PGLYRP1: variants seen among roughly 807,000 people sequenced by gnomAD.
The protein encoded by PGLYRP1 is TNF superfamily, member 3 (LTB)-like (peptidoglycan recognition protein).
A neutral mutation model predicts 16.3 loss-of-function variants in PGLYRP1; 18 were observed. The ratio of observed to expected loss-of-function variants is 1.11; its 90% CI spans 0.77 to 1.64. The LOEUF is 1.64. PGLYRP1 is among the 40% of genes most tolerant of loss of function. PGLYRP1 has a pLI of 0.00. For missense variants in PGLYRP1, 261 were observed against 268.6 expected (o/e 0.97, Z 0.20); for synonymous variants, 89 against 105.7 (o/e 0.84, Z 0.97).
chr19:46,022,806 C>G lies in PGLYRP1; in HGVS notation c.216G>C (p.Ser72=). Reference sequence around the variant, plus strand: ...GCACATTCCGGGCCTGCTGCTGGCACGAGGCGGGGGTGTTGCAGCTGCTGC... The same window carrying G: ...GCACATTCCGGGCCTGCTGCTGGCAGGAGGCGGGGGTGTTGCAGCTGCTGC... ...TAGSSCNTPA[S]CQQQARNVQH... Residue 72 remains serine, a synonymous_variant, in exon 1 of 3, where the codon TCG becomes TCC. Transcript: ENST00000008938. 1 of 1,614,102 alleles carries G rather than the reference C, an allele frequency of 6.2e-7. No individual in the cohort carries two copies. The highest frequency in any genetic ancestry group is 8.5e-7 in the Non-Finnish European group (1 of 1,179,996).
chr19:46,019,592 C>G lies in PGLYRP1; in HGVS notation c.343G>C (p.Gly115Arg), dbSNP rs1177650398. 1 of 1,613,982 alleles carries G rather than the reference C, an allele frequency of 6.2e-7. No homozygotes were observed. The highest frequency in any genetic ancestry group is 8.5e-7 in the Non-Finnish European group (1 of 1,179,964). The change falls in exon 2 of 3, where the codon GGT (glycine) becomes CGT (arginine). Residue 115 changes from glycine (G) to arginine (R), a missense_variant. Gly to Arg is a moderately radical substitution (Grantham distance 125). Coordinates refer to ENST00000008938, the MANE Select transcript of PGLYRP1 (RefSeq NM_005091.3). The surrounding 1 kb of genome is among the most constrained non-coding windows in gnomAD (Gnocchi z 4.8). ...TTCCATAAGTGACCTGAGTGGGCAC[C>G]CGTGAAGTTCCAGCCACGGCCCTCG... ...VYEGRGWNFT[G>R]AHSGHLWNPM...
chr19:46,021,864 A>AC (rs986897081), intron 1 of PGLYRP1, among the ~76,000 whole-genome samples: 3 of 150,668 alleles, frequency 2.0e-5, no homozygotes, highest in African/African-American at 7.3e-5. Flanking sequence ...CGCCCACTCA[A>AC]CCCCGTTGGC....
At chr19:46,022,273 G>A (rs760954529) in intron 1 of PGLYRP1, among the ~76,000 whole-genome samples, 5 of 152,206 alleles carry the variant, frequency 3.3e-5, no homozygotes, top group Non-Finnish European at 5.9e-5. Flanking sequence ...GATGGGCCGC[G>A]ATTCCATTGA....
At chr19:46,021,705 C>G (rs558377782) in intron 1 of PGLYRP1, among the ~76,000 whole-genome samples, 1 of 152,334 alleles carries the variant, frequency 6.6e-6, no homozygotes, top group African/African-American at 2.4e-5. Context: ...GGTCCCTGCT[C>G]TGCGGGGGGA....
chr19:46,022,582 A>C (rs1014997215), intron 1 of PGLYRP1, among the ~76,000 whole-genome samples, 153 bp downstream of exon 1: 3 of 152,200 alleles, frequency 2.0e-5, no homozygotes, highest in Non-Finnish European at 4.4e-5. Context: ...TGGTGACCCG[A>C]GGAAGAAATG....
intron 1 of PGLYRP1, among the ~76,000 whole-genome samples, chr19:46,022,314 G>T (rs116506706): frequency 0.019 from 2,942 of 152,334 alleles, 99 homozygotes; most frequent in African/African-American, 0.066. Context: ...AAGCCGGGAG[G>T]ACCCGCCCCA....
rs914808321 is a variant in PGLYRP1, at chr19:46,019,880, C to T, written c.288-233G>A. Among the ~76,000 whole-genome samples, 1 of 152,208 alleles carries T rather than the reference C, an allele frequency of 6.6e-6. No individual in the cohort carries two copies. Among genetic ancestry groups the T allele is most frequent in the African/African-American group, 2.4e-5 (1 of 41,448 alleles). On this transcript the variant is annotated intron_variant, in intron 1 of 2. Transcript: ENST00000008938. The surrounding 1 kb of genome is among the most constrained non-coding windows in gnomAD (Gnocchi z 4.8). The stretch of plus-strand genomic sequence containing the variant: ...ACACCTTTTTCCATCCTCACAGCAA[C>T]CCTGTGAGTCACTATCACCCCCGTT...
At position 46,022,831 on chromosome 19, in the gene PGLYRP1, C is replaced by T; in HGVS notation, c.191G>A (p.Gly64Asp). The T allele has an allele frequency of 6.2e-7, 1 of 1,613,640 alleles. No homozygotes were observed. The highest frequency in any genetic ancestry group is 1.1e-5 in the South Asian group (1 of 91,000). ...CGAGGCGGGGGTGTTGCAGCTGCTG[C>T]CCGCCGTGTGCGATACCACCACATA... ...LRYVVVSHTA[G>D]SSCNTPASCQ... The change falls in exon 1 of 3, where the codon GGC becomes GAC. Residue 64 changes from glycine (G) to aspartate (D), a missense_variant. Physicochemically the swap from Gly to Asp is moderately conservative, Grantham distance 94. Transcript: ENST00000008938.
chr19:46,020,072 G>T (rs569430991), intron 1 of PGLYRP1, among the ~76,000 whole-genome samples: 1 of 150,272 alleles, frequency 6.7e-6, no homozygotes, highest in East Asian at 2.0e-4. Context: ...CTGTTTTACT[G>T]AATCCTTGCA....
intron 1 of PGLYRP1, among the ~76,000 whole-genome samples, chr19:46,022,251 A>G (rs1969052067): frequency 6.6e-6 from 1 of 152,200 alleles, no homozygotes; most frequent in Admixed American, 6.5e-5. Flanking sequence ...GTATTGGCTC[A>G]TATAAGGAGC....
chr19:46,022,927 G>A lies in PGLYRP1; in HGVS notation c.95C>T (p.Pro32Leu), dbSNP rs749540886. Residue 32 changes from proline (P) to leucine (L), a missense_variant, in exon 1 of 3, where the codon CCC becomes CTC. By Grantham distance (98) the Pro-to-Leu change is moderately conservative. Coordinates refer to ENST00000008938, the MANE Select transcript of PGLYRP1 (RefSeq NM_005091.3). ...QETEDPACCS[P>L]IVPRNEWKAL... ...CTTCCACTCGTTCCGGGGCACTATG[G>A]GGCTGCAGCAGGCCGGGTCTTCTGT... 6.2e-7 allele frequency: 1 copy of A among 1,611,082 alleles called. No individual in the cohort carries two copies. The highest frequency in any genetic ancestry group is 8.5e-7 in the Non-Finnish European group (1 of 1,178,744).
Position 46,019,458 on chromosome 19 carries a change from C to T in PGLYRP1, c.410-39G>A. The T allele has an allele frequency of 6.2e-7, 1 of 1,612,100 alleles. No individual in the cohort carries two copies. The highest frequency in any genetic ancestry group is 8.5e-7 in the Non-Finnish European group (1 of 1,178,896). ...AGGTAGGAGTCAGGCAGGGGCTTCCCCGAAGGGGAAGTGATAGCGTAGGGC... is the reference window on the plus strand; with the variant it reads ...AGGTAGGAGTCAGGCAGGGGCTTCCTCGAAGGGGAAGTGATAGCGTAGGGC... On this transcript the variant is annotated intron_variant, in intron 2 of 2. Transcript: ENST00000008938. The surrounding 1 kb of genome is among the most constrained non-coding windows in gnomAD (Gnocchi z 4.8).
rs1568700884 is a variant in PGLYRP1 at position 46,019,629 on chromosome 19, GTCTTCTCCAA to G, written c.296_305del (p.Ile99ThrfsTer60). Reference sequence around the variant, plus strand: ...AGCCACGGCCCTCGTATACGAGCCCGTCTTCTCCAATCAGGAAGCTGCATGGGGAGGTGGG... The same window carrying G: ...AGCCACGGCCCTCGTATACGAGCCCGTCAGGAAGCTGCATGGGGAGGTGGG... On this transcript the variant is annotated frameshift_variant, in exon 2 of 3. Coordinates refer to ENST00000008938, the MANE Select transcript of PGLYRP1 (RefSeq NM_005091.3). LOFTEE classifies it high-confidence loss of function. The surrounding 1 kb of genome is among the most constrained non-coding windows in gnomAD (Gnocchi z 4.8). 6.2e-7 allele frequency: 1 copy of G among 1,613,518 alleles called. No homozygotes were observed. Among genetic ancestry groups the G allele is most frequent in the Non-Finnish European group, 8.5e-7 (1 of 1,179,918 alleles).
At position 46,022,990 on chromosome 19, in the gene PGLYRP1, G is replaced by T. The variant is rs970229547; in HGVS notation, c.32C>A (p.Ala11Asp). The T allele has an allele frequency of 6.3e-7, 1 of 1,589,726 alleles. No homozygotes were observed. ...TCCGAGTCGAAGGAGGCTGGGGAGA[G>T]CCCAGGCAAGCAGCATAGAGCGGCG... MSRRSMLLAW[A>D]LPSLLRLGAA... Residue 11 changes from alanine (A) to aspartate (D), a missense_variant, in exon 1 of 3, where the codon GCT becomes GAT. Coordinates refer to ENST00000008938, the MANE Select transcript of PGLYRP1 (RefSeq NM_005091.3).
In PGLYRP1 at chr19:46,019,426, G is replaced by T. The variant is rs934902838; in HGVS notation, c.410-7C>A. 24 of 1,613,004 alleles carry T rather than the reference G, an allele frequency of 1.5e-5. No individual in the cohort carries two copies. The highest frequency in any genetic ancestry group is 1.7e-5 in the Non-Finnish European group (20 of 1,179,720). ...TGGGGTGTGGGCACCCGATCTGGAG[G>T]AGGCAGAGGTAGGAGTCAGGCAGGG... is the stretch of plus-strand genomic sequence containing the variant. On this transcript the variant is annotated splice_polypyrimidine_tract_variant and splice_region_variant and intron_variant, in intron 2 of 2. Transcript: ENST00000008938. This position sits in a 1 kb window ranked among gnomAD's most constrained non-coding sequence, Gnocchi z 4.8.
At chr19:46,021,323 C>T (rs1450079634) in intron 1 of PGLYRP1, 1 of 152,206 alleles carries the variant, frequency 6.6e-6, no homozygotes, top group Admixed American at 6.6e-5. Context: ...ACTGGAAGGG[C>T]TGGGAATACC....
chr19:46,020,988 G>T (rs1025082059), intron 1 of PGLYRP1: 4 of 152,542 alleles, frequency 2.6e-5, no homozygotes, highest in Non-Finnish European at 5.9e-5. Flanking sequence ...GTCGGGGGTG[G>T]TTGGTTCTCC....
At chr19:46,020,297 T>TG (rs1969031273) in intron 1 of PGLYRP1, among the ~76,000 whole-genome samples, 1 of 151,876 alleles carries the variant, frequency 6.6e-6, no homozygotes, top group Non-Finnish European at 1.5e-5. Context: ...TTAGTAGAGA[T>TG]GGGGTTTCAC....
At position 46,022,915 on chromosome 19, in the gene PGLYRP1, C is replaced by A; in HGVS notation, c.107G>T (p.Arg36Leu). ...TGATGCCAGGGCCTTCCACTCGTTC[C>A]GGGGCACTATGGGGCTGCAGCAGGC... Reference protein sequence around the residue: ...DPACCSPIVPRNEWKALASEC... With the variant: ...DPACCSPIVPLNEWKALASEC... Residue 36 changes from arginine to leucine, a missense_variant, in exon 1 of 3, where the codon CGG (arginine) becomes CTG (leucine). By Grantham distance (102) the Arg-to-Leu change is moderately radical (BLOSUM62 -2). Transcript: ENST00000008938. 1 of 1,612,106 alleles carries A rather than the reference C, an allele frequency of 6.2e-7. No individual in the cohort carries two copies. The highest frequency in any genetic ancestry group is 8.5e-7 in the Non-Finnish European group (1 of 1,179,186).
Sources: allele counts gnomAD v4.1 joint callset (sites outside exome capture counted in the v4.1 genomes callset), GRCh38; gene constraint gnomAD v4.1.1; non-coding constraint Gnocchi (gnomAD v3.1); transcripts MANE v1.5; gene names NCBI Gene and HGNC (gene_info 2026-07-23, HGNC 2026-07-21).